The following NAA15 variants were observed in gnomAD, a reference collection of about 807,000 sequenced individuals.
The protein encoded by NAA15 is N-terminal acetyltransferase.
In NAA15, 34 loss-of-function variants were observed where a neutral mutation model predicts 114.0. That is an observed-to-expected ratio of 0.30 (90% CI 0.23 to 0.40). The LOEUF is 0.40. Ranked by LOEUF, NAA15 falls within the 10% of genes least tolerant of loss-of-function variation. The pLI is 1.00. For missense variants in NAA15, 658 were observed against 1,004.5 expected (o/e 0.66, Z 4.66); for synonymous variants, 340 against 338.0 (o/e 1.01, Z -0.06).
At chr4:139,364,708 A>G (rs1240289986) in intron 14 of NAA15, among the ~76,000 whole-genome samples, 2 of 152,222 alleles carry the variant, frequency 1.3e-5, no homozygotes, top group East Asian at 1.9e-4. Context: ...ATTTTTCTCA[A>G]TCTAACACTG....
At chr4:139,350,623 AT>A (rs1747744672) in intron 7 of NAA15, among the ~76,000 whole-genome samples, 1 of 152,208 alleles carries the variant, frequency 6.6e-6, no homozygotes, top group African/African-American at 2.4e-5. Context: ...CTTCTTGCAG[AT>A]TACTTTGTAA....
chr4:139,317,159 A>G (rs892672620), intron 1 of NAA15, among the ~76,000 whole-genome samples: 1 of 151,788 alleles, frequency 6.6e-6, no homozygotes, highest in African/African-American at 2.4e-5. Context: ...GCTCTTCTGG[A>G]CAGTTCCCAT....
chr4:139,315,424 T>C (rs990881735), intron 1 of NAA15, among the ~76,000 whole-genome samples: 2 of 151,318 alleles, frequency 1.3e-5, no homozygotes, highest in African/African-American at 4.9e-5. Flanking sequence ...CAGGCTGAGG[T>C]GGGGGATTGC....
At chr4:139,343,121 C>T (rs952607487) in intron 5 of NAA15, among the ~76,000 whole-genome samples, 161 bp downstream of exon 5, 2 of 152,180 alleles carry the variant, frequency 1.3e-5, no homozygotes, top group Non-Finnish European at 2.9e-5. Flanking sequence ...TCATACTAAA[C>T]TAATTGTTAA....
intron 15 of NAA15, among the ~76,000 whole-genome samples, chr4:139,374,614 T>A (rs1748533559): frequency 6.6e-6 from 1 of 152,244 alleles, no homozygotes; most frequent in East Asian, 1.9e-4. Context: ...TTTCCTGAAA[T>A]ACTGATTTTA....
intron 15 of NAA15, among the ~76,000 whole-genome samples, chr4:139,371,613 G>T (rs1748442856): frequency 6.6e-6 from 1 of 150,796 alleles, no homozygotes; most frequent in African/African-American, 2.4e-5. Context: ...TTGTATACCT[G>T]CTAGGAACAA....
At position 139,389,663 on chromosome 4, in the gene NAA15, C is replaced by T. The variant is rs1195610831; in HGVS notation, c.*1579C>T. The stretch of plus-strand genomic sequence containing the variant: ...AGGCTTAATATTCTCATTGCATTTG[C>T]AAGATCTGAGCAAATAAGATTAAGT... On this transcript the variant is annotated 3_prime_UTR_variant, in exon 20 of 20. Coordinates refer to ENST00000296543, the MANE Select transcript of NAA15 (RefSeq NM_057175.5). 1 of 152,610 alleles carries T rather than the reference C, an allele frequency of 6.6e-6. No homozygotes were observed. Among genetic ancestry groups the T allele is most frequent in the Non-Finnish European group, 1.5e-5 (1 of 68,030 alleles). The allele number at this position is 152,610 out of a possible 1,614,324, so 9.5% of individuals were successfully genotyped here.
At chr4:139,303,446 C>T (rs1006466346) in intron 1 of NAA15, among the ~76,000 whole-genome samples, 1 of 152,134 alleles carries the variant, frequency 6.6e-6, no homozygotes, top group Non-Finnish European at 1.5e-5. Flanking sequence ...TATATGCTTT[C>T]TCTCTCCCTA....
At chr4:139,385,389 C>T (rs1748885696) in intron 18 of NAA15, among the ~76,000 whole-genome samples, 1 of 148,500 alleles carries the variant, frequency 6.7e-6, no homozygotes, top group Admixed American at 6.7e-5. Flanking sequence ...GTGGTCTCTT[C>T]TGGTTCAGCA....
intron 1 of NAA15, among the ~76,000 whole-genome samples, chr4:139,318,106 A>C (rs926744263): frequency 6.6e-6 from 1 of 152,222 alleles, no homozygotes; most frequent in African/African-American, 2.4e-5. Flanking sequence ...TTCTGTGTCC[A>C]AAACTTCCAA....
chr4:139,332,570 ATGTTTTT>A (rs1436912305), intron 1 of NAA15, among the ~76,000 whole-genome samples: 8 of 59,208 alleles, frequency 1.4e-4, no homozygotes, highest in Non-Finnish European at 2.3e-4. Flanking sequence ...TTTGGTTTGT[ATGTTTTT>A]TTTTTTTTTT....
At chr4:139,367,283 A>G (rs142783179) in intron 14 of NAA15, among the ~76,000 whole-genome samples, 51 of 152,244 alleles carry the variant, frequency 3.3e-4, no homozygotes, top group African/African-American at 1.1e-3. Flanking sequence ...AGACTGGAAT[A>G]ATTTTCTGTG....
chr4:139,337,864 T>C (rs1747249330), intron 3 of NAA15, among the ~76,000 whole-genome samples: 1 of 152,230 alleles, frequency 6.6e-6, no homozygotes, highest in Non-Finnish European at 1.5e-5. Flanking sequence ...TAAGATGTTA[T>C]GGTTTATTCA....
At chr4:139,348,767 T>C (rs1747684182) in intron 6 of NAA15, among the ~76,000 whole-genome samples, 1 of 152,180 alleles carries the variant, frequency 6.6e-6, no homozygotes, top group Non-Finnish European at 1.5e-5. Context: ...GCTTTAAAAT[T>C]AGTAAACAAA....
intron 1 of NAA15, among the ~76,000 whole-genome samples, chr4:139,314,228 G>A (rs1254255448): frequency 1.3e-5 from 2 of 151,796 alleles, no homozygotes; most frequent in African/African-American, 4.8e-5. Flanking sequence ...GATGTAGATG[G>A]GTGTGGTTCA....
intron 3 of NAA15, among the ~76,000 whole-genome samples, chr4:139,338,380 T>G (rs1432423336): frequency 6.6e-6 from 1 of 152,198 alleles, no homozygotes; most frequent in African/African-American, 2.4e-5. Context: ...GCTTTAAAAA[T>G]GTGTAATATT....
chr4:139,314,998 C>T (rs116352884), intron 1 of NAA15, among the ~76,000 whole-genome samples: 4,884 of 65,550 alleles, frequency 0.075, 460 homozygotes, highest in East Asian at 0.35. Context: ...CAGTTCAGTT[C>T]AGTTTAGTTT....
At chr4:139,384,428 T>C (rs1179933210) in intron 17 of NAA15, among the ~76,000 whole-genome samples, 1 of 152,196 alleles carries the variant, frequency 6.6e-6, no homozygotes, top group African/African-American at 2.4e-5. Flanking sequence ...CAGTGAGCCA[T>C]GATTGCGCCA....
intron 6 of NAA15, among the ~76,000 whole-genome samples, chr4:139,346,106 A>G (rs956322935): frequency 6.6e-6 from 1 of 152,152 alleles, no homozygotes; most frequent in African/African-American, 2.4e-5. Flanking sequence ...GAGTGATCCA[A>G]TAGAGATAGA....
Sources: allele counts gnomAD v4.1 joint callset (sites outside exome capture counted in the v4.1 genomes callset), GRCh38; gene constraint gnomAD v4.1.1; transcripts MANE v1.5; gene names NCBI Gene and HGNC (gene_info 2026-07-23, HGNC 2026-07-21).